FAH: variants seen among roughly 807,000 people sequenced by gnomAD.
FAH encodes the protein fumarylacetoacetase.
A neutral mutation model predicts 55.8 loss-of-function variants in FAH; 47 were observed. The observed-to-expected ratio is 0.84, with a 90% CI of 0.67 to 1.07. The LOEUF (loss-of-function observed/expected upper bound fraction) is 1.07, where lower values mean the gene tolerates loss of function less well. Among genes scored for constraint, FAH ranks in the 50% least tolerant of loss-of-function variants. The pLI is 0.00. For missense variants in FAH, 495 were observed against 545.9 expected (o/e 0.91, Z 0.93); for synonymous variants, 199 against 207.7 (o/e 0.96, Z 0.36).
At chr15:80,184,630 C>A (rs1431419689) in intron 13 of FAH, among the ~76,000 whole-genome samples, 1 of 152,066 alleles carries the variant, frequency 6.6e-6, no homozygotes, top group African/African-American at 2.4e-5. Context: ...GGAAAAGAGA[C>A]TGACAGAAAA....
Position 80,181,054 on chromosome 15 carries a change from T to G in FAH, c.1075T>G (p.Phe359Val). ...GTISGPEPENFGSMLELSWKG... is the reference protein window; with the variant it reads ...GTISGPEPENVGSMLELSWKG... ...TCCTGTGATGAAGGAGCCAGAAAAC[T>G]TCGGCTCCATGTTGGAACTGTCGTG... Residue 359 changes from phenylalanine to valine, a missense_variant, in exon 13 of 14, where the codon TTC becomes GTC. Phe to Val is a conservative substitution (Grantham distance 50). Coordinates refer to ENST00000561421, the MANE Select transcript of FAH (RefSeq NM_000137.4). 1.2e-6 allele frequency: 2 copies of G among 1,613,402 alleles called. No homozygotes were observed. The highest frequency in any genetic ancestry group is 1.7e-6 in the Non-Finnish European group (2 of 1,179,520).
At chr15:80,185,358 A>G (rs1188625390) in intron 13 of FAH, among the ~76,000 whole-genome samples, 1 of 152,204 alleles carries the variant, frequency 6.6e-6, no homozygotes, top group Non-Finnish European at 1.5e-5. Flanking sequence ...TCCATTGCAC[A>G]GATGAAGAAA....
chr15:80,177,814 G>A (rs1421641378), intron 11 of FAH, among the ~76,000 whole-genome samples: 1 of 152,208 alleles, frequency 6.6e-6, no homozygotes, highest in African/African-American at 2.4e-5. Flanking sequence ...GAAAATAGGT[G>A]TTCCTGTAAA....
chr15:80,154,109 C>T (rs900640104), intron 1 of FAH, among the ~76,000 whole-genome samples: 1 of 152,128 alleles, frequency 6.6e-6, no homozygotes, highest in African/African-American at 2.4e-5. Context: ...CACATCTGGC[C>T]GGGCTGACCA....
chr15:80,162,297 T>C lies in FAH; in HGVS notation c.416T>C (p.Ile139Thr), dbSNP rs766372183. 1 of 1,614,124 alleles carries C rather than the reference T, an allele frequency of 6.2e-7. No individual in the cohort carries two copies. The highest frequency in any genetic ancestry group is 8.5e-7 in the Non-Finnish European group (1 of 1,180,054). The change falls in exon 5 of 14, where the codon ATC becomes ACC. Residue 139 changes from isoleucine (I) to threonine (T), a missense_variant. Ile to Thr is a moderately conservative substitution (Grantham distance 89). Transcript: ENST00000561421. ...SSRQHATNVG[I>T]MFRDKENALM... ...CGGCAGCATGCTACCAACGTCGGAA[T>C]CATGTTCAGGGACAAGGAGAATGCG...
chr15:80,185,073 T>A (rs2041359512), intron 13 of FAH, among the ~76,000 whole-genome samples: 1 of 152,166 alleles, frequency 6.6e-6, no homozygotes, highest in Non-Finnish European at 1.5e-5. Flanking sequence ...GAAACTAATA[T>A]TTATTAGTTT....
At chr15:80,153,196 T>C in intron 1 of FAH, 61 bp downstream of exon 1, 1 of 1,183,986 alleles carries the variant, frequency 8.4e-7, no homozygotes, top group Non-Finnish European at 1.3e-6. Flanking sequence ...TGGAGTGGAG[T>C]GGAGTGGAGT....
intron 11 of FAH, among the ~76,000 whole-genome samples, chr15:80,179,690 G>A (rs759919709): frequency 3.9e-5 from 6 of 152,202 alleles, no homozygotes; most frequent in South Asian, 2.1e-4. Context: ...GAATGGGAGC[G>A]AGGGCTTTGC....
chr15:80,156,422 T>G (rs1191103864), intron 1 of FAH: 1 of 152,354 alleles, frequency 6.6e-6, no homozygotes, highest in Admixed American at 6.5e-5. Flanking sequence ...CTACAGTTTA[T>G]GCCTTCAGTC....
At chr15:80,171,259 A>C (rs989966923) in intron 7 of FAH, among the ~76,000 whole-genome samples, 1 of 151,104 alleles carries the variant, frequency 6.6e-6, no homozygotes, top group African/African-American at 2.4e-5. Flanking sequence ...CCCACCCCAC[A>C]ACAGACTGGA....
intron 10 of FAH, 79 bp downstream of exon 10, chr15:80,175,170 G>T (rs1430992689): frequency 7.4e-7 from 1 of 1,351,460 alleles, no homozygotes; most frequent in African/African-American, 1.4e-5. Flanking sequence ...AGGCTCCTGA[G>T]CTTTGGCAAG....
Position 80,158,166 on chromosome 15 carries a change from A to G in FAH, c.188A>G (p.Asn63Ser), listed in dbSNP as rs143470710. 4 of 1,607,948 alleles carry G rather than the reference A, an allele frequency of 2.5e-6. No individual in the cohort carries two copies. Among genetic ancestry groups the G allele is most frequent in the Non-Finnish European group, 2.6e-6 (3 of 1,174,328 alleles). ...CTCTCCAAACACCAGGATGTCTTCA[A>G]TCAGGTAGGACATTGTGAAACGACT... ...PVLSKHQDVF[N>S]QPTLNSFMGL... The change falls in exon 2 of 14, where the codon AAT (asparagine) becomes AGT (serine). Residue 63 changes from asparagine to serine, a missense_variant. Transcript: ENST00000561421.
intron 8 of FAH, 82 bp from the exon 9 acceptor site, chr15:80,172,932 T>C (rs2041253021): frequency 6.3e-7 from 1 of 1,594,362 alleles, no homozygotes; most frequent in Admixed American, 1.7e-5. Context: ...GTGTCTCTGC[T>C]CCTTGGTCAA....
At chr15:80,182,394 A>G (rs2041338874) in intron 13 of FAH, among the ~76,000 whole-genome samples, 1 of 152,240 alleles carries the variant, frequency 6.6e-6, no homozygotes. Flanking sequence ...TAGCAGCCAC[A>G]TAGTGCATGC....
intron 10 of FAH, 70 bp from the exon 11 acceptor site, chr15:80,177,467 A>G (rs1389971785): frequency 1.5e-6 from 2 of 1,356,188 alleles, no homozygotes; most frequent in African/African-American, 2.9e-5. Flanking sequence ...CCACAGAACA[A>G]TTCTTTTTTT....
chr15:80,184,682 G>A (rs1194118512), intron 13 of FAH, among the ~76,000 whole-genome samples: 2 of 152,220 alleles, frequency 1.3e-5, no homozygotes, highest in Admixed American at 6.5e-5. Flanking sequence ...CGTTGCTCTC[G>A]ACAAAGGGCA....
chr15:80,186,412 C>T (rs2041372048), downstream of FAH: 1 of 638,592 alleles, frequency 1.6e-6, no homozygotes, highest in African/African-American at 1.8e-5. Context: ...GTAAAGCCTC[C>T]CTGCCAGATA....
chr15:80,159,831 T>A lies in FAH; in HGVS notation c.268T>A (p.Ser90Thr), dbSNP rs2041132842. The A allele has an allele frequency of 1.2e-6, 2 of 1,614,140 alleles. No homozygotes were observed. The highest frequency in any genetic ancestry group is 2.7e-5 in the African/African-American group (2 of 74,950). The change falls in exon 3 of 14, where the codon TCT becomes ACT. Residue 90 changes from serine to threonine, a missense_variant. Transcript: ENST00000561421. ...GAGAGTGTTCTTGCAGAACTTGCTG[T>A]CTGTGAGCCAAGCCAGGCTCAGAGA... Reference protein sequence around the residue: ...EARVFLQNLLSVSQARLRDDT... With the variant: ...EARVFLQNLLTVSQARLRDDT...
intron 5 of FAH, among the ~76,000 whole-genome samples, chr15:80,167,463 A>C (rs754290420): frequency 2.3e-4 from 34 of 150,984 alleles, no homozygotes; most frequent in Admixed American, 1.9e-3. Flanking sequence ...ATTCAGGATG[A>C]TCGTGTCTCA....
Sources: allele counts gnomAD v4.1 joint callset (sites outside exome capture counted in the v4.1 genomes callset), GRCh38; gene constraint gnomAD v4.1.1; transcripts MANE v1.5; gene names NCBI Gene and HGNC (gene_info 2026-07-23, HGNC 2026-07-21).